FARP1: variants seen among roughly 807,000 people sequenced by gnomAD.
FARP1 encodes the protein FERM, ARHGEF and pleckstrin domain-containing protein 1.
A neutral mutation model predicts 128.8 loss-of-function variants in FARP1; 52 were observed. The observed-to-expected ratio is 0.40, with a 90% confidence interval of 0.32 to 0.51. FARP1 has a LOEUF of 0.51. Among genes scored for constraint, FARP1 ranks in the 20% least tolerant of loss-of-function variants. FARP1 has a pLI of 0.45. For missense variants in FARP1, 1,333 were observed against 1,367.9 expected, an observed-to-expected ratio of 0.97 and a Z score of 0.40; for synonymous variants, 580 against 551.8, an observed-to-expected ratio of 1.05 and a Z score of -0.72.
chr13:98,368,423 A>C (rs1889189529), intron 5 of FARP1, among the ~76,000 whole-genome samples: 2 of 152,316 alleles, frequency 1.3e-5, no homozygotes, highest in Admixed American at 1.3e-4. Context: ...TATGAAGTGA[A>C]TCCTGGGCTT....
intron 1 of FARP1, among the ~76,000 whole-genome samples, chr13:98,179,482 C>T (rs1261277760): frequency 2.6e-5 from 4 of 152,080 alleles, no homozygotes; most frequent in Admixed American, 1.3e-4. Context: ...TCTCACATTC[C>T]GCTGTGGGGT....
At chr13:98,163,722 T>TC (rs1337781907) in intron 1 of FARP1, among the ~76,000 whole-genome samples, 1 of 151,542 alleles carries the variant, frequency 6.6e-6, no homozygotes. Context: ...TCTTTTTTTT[T>TC]TTTGAGACGG....
At chr13:98,235,776 CTGGTTTAT>C (rs1203680931) in intron 2 of FARP1, among the ~76,000 whole-genome samples, 1 of 151,740 alleles carries the variant, frequency 6.6e-6, no homozygotes, top group Admixed American at 6.6e-5. Flanking sequence ...ATTTTATACA[CTGGTTTAT>C]TCCGTATCAT....
At chr13:98,270,634 A>T (rs1023715590) in intron 2 of FARP1, among the ~76,000 whole-genome samples, 1 of 152,164 alleles carries the variant, frequency 6.6e-6, no homozygotes, top group Admixed American at 6.5e-5. Flanking sequence ...CAGCTTCATG[A>T]TAGCCTGACT....
chr13:98,280,410 A>G (rs1340422181), intron 2 of FARP1, among the ~76,000 whole-genome samples: 1 of 152,084 alleles, frequency 6.6e-6, no homozygotes, highest in African/African-American at 2.4e-5. Context: ...GCCAGGCTTC[A>G]TCCCAGGCTC....
rs542442550 is a variant in FARP1 at position 98,185,246 on chromosome 13, T to C, written c.-23-27974T>C. On this transcript the variant is annotated intron_variant, in intron 1 of 26. Coordinates refer to ENST00000319562, the MANE Select transcript of FARP1 (RefSeq NM_005766.4). ...TTATATAATAACTGGCTGGTAAAAA[T>C]TCCTGAAAATTTAACAGCAGGTCCC... Among the ~76,000 whole-genome samples, 5 of 152,292 alleles carry C rather than the reference T, an allele frequency of 3.3e-5. 1 individual carries two copies. Among genetic ancestry groups the C allele is most frequent in the African/African-American group, 1.2e-4 (5 of 41,568 alleles).
rs1594555551 is a variant in FARP1 at position 98,448,410 on chromosome 13, C to T, written c.*93C>T. 5.8e-6 allele frequency: 6 copies of T among 1,043,440 alleles called. No homozygotes were observed. The East Asian group carries it at 1.4e-4, about 25-fold the overall frequency. 64.6% of individuals were successfully genotyped at this position (1,043,440 alleles called of 1,614,324 possible). A position where few individuals can be genotyped will look rare whatever the true frequency, so the allele number is the denominator to read the frequency against. ...GAAGCCTGGTAAAATTAACACCTGT[C>T]TGAAAATCAAAAACATGGCTTCCCA... On this transcript the variant is annotated 3_prime_UTR_variant, in exon 27 of 27. Transcript: ENST00000319562.
At chr13:98,266,736 G>A (rs1053493555) in intron 2 of FARP1, among the ~76,000 whole-genome samples, 8 of 152,168 alleles carry the variant, frequency 5.3e-5, no homozygotes, top group Non-Finnish European at 7.4e-5. Context: ...ATGAGGCCGG[G>A]CGTGGTGGCT....
At chr13:98,256,335 C>CTGTGAAA (rs1169111394) in intron 2 of FARP1, among the ~76,000 whole-genome samples, 1 of 152,040 alleles carries the variant, frequency 6.6e-6, no homozygotes, top group African/African-American at 2.4e-5. Flanking sequence ...TAAGTGAGAT[C>CTGTGAAA]TGTGAAATAT....
intron 17 of FARP1, 112 bp downstream of exon 17, chr13:98,424,762 T>A: frequency 1.3e-6 from 1 of 757,616 alleles, no homozygotes; most frequent in Non-Finnish European, 2.3e-6. Context: ...CTGATTTGAC[T>A]CTCTACACCA....
intron 24 of FARP1, among the ~76,000 whole-genome samples, chr13:98,442,312 C>G (rs57514013): frequency 0.031 from 4,690 of 152,266 alleles, 215 homozygotes; most frequent in African/African-American, 0.1. Flanking sequence ...TGGAGGGTCT[C>G]GAGAGAGTCT....
chr13:98,368,182 G>C lies in FARP1; in HGVS notation c.385G>C (p.Glu129Gln). 6.2e-7 allele frequency: 1 copy of C among 1,613,498 alleles called. No homozygotes were observed. The highest frequency in any genetic ancestry group is 8.5e-7 in the Non-Finnish European group (1 of 1,179,436). Residue 129 changes from glutamate (E) to glutamine (Q), a missense_variant, in exon 5 of 27, where the codon GAA becomes CAA. By Grantham distance (29) the Glu-to-Gln change is conservative (BLOSUM62 2). Coordinates refer to ENST00000319562, the MANE Select transcript of FARP1 (RefSeq NM_005766.4). ...FFPPDHTQLQ[E>Q]ELTRYLFALQ... ...TCCGCCTGACCACACACAACTCCAAGAAGAACTCACAAGGTTAGTGGTTTG... is the reference window on the plus strand; with the variant it reads ...TCCGCCTGACCACACACAACTCCAACAAGAACTCACAAGGTTAGTGGTTTG...
At chr13:98,287,166 G>A (rs1266851776) in intron 2 of FARP1, among the ~76,000 whole-genome samples, 1 of 133,962 alleles carries the variant, frequency 7.5e-6, no homozygotes, top group Admixed American at 7.5e-5. Flanking sequence ...AAAAGTCAAT[G>A]TCATAGGCAT....
At chr13:98,300,005 G>A (rs1276746670) in intron 2 of FARP1, among the ~76,000 whole-genome samples, 1 of 152,098 alleles carries the variant, frequency 6.6e-6, no homozygotes, top group Non-Finnish European at 1.5e-5. Context: ...TTTTGTTCTG[G>A]CCTCACTATT....
intron 2 of FARP1, among the ~76,000 whole-genome samples, chr13:98,280,582 G>A (rs1016255767): frequency 6.6e-6 from 1 of 152,204 alleles, no homozygotes; most frequent in Non-Finnish European, 1.5e-5. Context: ...CAGCACCCAC[G>A]ACTGTGGTAA....
At position 98,440,128 on chromosome 13, in the gene FARP1, G is replaced by A. The variant is rs530354815; in HGVS notation, c.2522G>A (p.Arg841Gln). The A allele has an allele frequency of 1.1e-5, 17 of 1,613,406 alleles. No individual in the cohort carries two copies. Among genetic ancestry groups the A allele is most frequent in the South Asian group, 5.5e-5 (5 of 91,046 alleles). ...RQSIIVAASS[R>Q]SEMEKWVEDI... ...TGACGCGTCTCTGTCTCCAGTTCTC[G>A]GTCCGAGATGGAGAAGTGGGTTGAG... is the stretch of plus-strand genomic sequence containing the variant. Residue 841 changes from arginine (R) to glutamine (Q), a missense_variant, in exon 23 of 27, where the codon CGG becomes CAG. Physicochemically the swap from Arg to Gln is conservative, Grantham distance 43 (BLOSUM62 1). Around this residue, in one of 2 missense-constraint regions of FARP1, gnomAD observed 1,009 missense variants for 969.8 expected, o/e 1.04. Transcript: ENST00000319562.
chr13:98,319,615 G>A (rs377071904), intron 2 of FARP1, among the ~76,000 whole-genome samples: 2 of 152,190 alleles, frequency 1.3e-5, no homozygotes, highest in East Asian at 1.9e-4. Context: ...GCAAGACTCT[G>A]TCTCAGAAAA....
chr13:98,353,958 TA>T (rs1888543165), intron 3 of FARP1, among the ~76,000 whole-genome samples: 1 of 152,242 alleles, frequency 6.6e-6, no homozygotes, highest in Admixed American at 6.5e-5. Context: ...ACAAATGATT[TA>T]AAAATAGTTT....
At chr13:98,160,250 C>T (rs1425944033) in intron 1 of FARP1, among the ~76,000 whole-genome samples, 3 of 152,140 alleles carry the variant, frequency 2.0e-5, no homozygotes, top group Non-Finnish European at 2.9e-5. Flanking sequence ...AGAAATGAAG[C>T]CTCCTTTGAG....
Sources: gnomAD v4.1 joint callset for allele counts (sites outside exome capture counted in the v4.1 genomes callset) on GRCh38, gnomAD v4.1.1 for gene constraint, gnomAD v4.1.1 regional missense constraint, MANE v1.5 for transcripts, NCBI Gene and HGNC (gene_info 2026-07-23, HGNC 2026-07-21) for gene names.